SSBP2: variants seen among roughly 807,000 people sequenced by gnomAD.
SSBP2 encodes single-stranded DNA-binding protein 2.
In SSBP2, 17 loss-of-function variants were observed where a neutral mutation model predicts 61.8. The observed-to-expected ratio is 0.28, with a 90% CI of 0.19 to 0.41. The LOEUF is 0.41. SSBP2 is among the 10% of genes least tolerant of loss of function. SSBP2 has a pLI of 1.00. For synonymous variants in SSBP2, 139 were observed against 141.3 expected (o/e 0.98, Z 0.12); for missense variants, 310 against 458.7 (o/e 0.68, Z 2.96).
At chr5:81,729,171 A>T (rs1393710653) in intron 1 of SSBP2, among the ~76,000 whole-genome samples, 1 of 152,202 alleles carries the variant, frequency 6.6e-6, no homozygotes, top group Non-Finnish European at 1.5e-5. Context: ...TTAAAAAATA[A>T]ATATGCTGTC....
At chr5:81,482,370 A>G (rs150889522) in intron 6 of SSBP2, among the ~76,000 whole-genome samples, 3 of 152,186 alleles carry the variant, frequency 2.0e-5, no homozygotes, top group Non-Finnish European at 4.4e-5. Flanking sequence ...GCTCTAAAGG[A>G]AGGCATTGAC....
At chr5:81,656,175 C>T (rs944388792) in intron 1 of SSBP2, among the ~76,000 whole-genome samples, 4 of 152,078 alleles carry the variant, frequency 2.6e-5, no homozygotes, top group Admixed American at 6.6e-5. Flanking sequence ...CCTCAGCCTC[C>T]GGAGTAGCTG....
intron 1 of SSBP2, among the ~76,000 whole-genome samples, chr5:81,716,945 C>T (rs987604218): frequency 2.0e-5 from 3 of 152,184 alleles, no homozygotes; most frequent in Non-Finnish European, 4.4e-5. Flanking sequence ...TAAGGAAATA[C>T]ATGGCCTGAA....
intron 1 of SSBP2, among the ~76,000 whole-genome samples, chr5:81,721,040 A>C (rs753947388): frequency 2.0e-5 from 3 of 152,198 alleles, no homozygotes; most frequent in Non-Finnish European, 4.4e-5. Flanking sequence ...TTTAAAAACA[A>C]AACTAAATGG....
intron 6 of SSBP2, among the ~76,000 whole-genome samples, chr5:81,488,060 A>ATATATATATATAT (rs1561459590): frequency 5.3e-5 from 3 of 56,820 alleles, no homozygotes; most frequent in African/African-American, 1.5e-4. Flanking sequence ...TATATATATA[A>ATATATATATATAT]ATAAAATATC....
At chr5:81,474,454 T>C (rs368315230) in intron 7 of SSBP2, 42 bp downstream of exon 7, 46 of 1,540,488 alleles carry the variant, frequency 3.0e-5, no homozygotes, top group Admixed American at 3.4e-5. Flanking sequence ...ATTTCCTCTA[T>C]GGTTCTGCAC....
At chr5:81,599,442 G>A (rs1744122275) in intron 4 of SSBP2, among the ~76,000 whole-genome samples, 1 of 152,180 alleles carries the variant, frequency 6.6e-6, no homozygotes, top group African/African-American at 2.4e-5. Context: ...TTATTATCTA[G>A]CTTCTGGGAG....
At chr5:81,614,934 A>T (rs1290452447) in intron 4 of SSBP2, 1 of 152,402 alleles carries the variant, frequency 6.6e-6, no homozygotes, top group Non-Finnish European at 1.5e-5. Context: ...TAAAAAAAAA[A>T]TTACATTTTC....
chr5:81,609,544 A>T (rs1015934350), intron 4 of SSBP2, among the ~76,000 whole-genome samples: 2 of 152,216 alleles, frequency 1.3e-5, no homozygotes, highest in Admixed American at 1.3e-4. Context: ...CATAGCTTCA[A>T]TCCAAGTAAT....
intron 3 of SSBP2, among the ~76,000 whole-genome samples, chr5:81,633,232 C>T (rs1297804824): frequency 6.7e-6 from 1 of 149,274 alleles, no homozygotes; most frequent in Non-Finnish European, 1.5e-5. Flanking sequence ...TCATCTGCCT[C>T]AACCTCCTGA....
intron 1 of SSBP2, among the ~76,000 whole-genome samples, chr5:81,700,008 A>C (rs1452188592): frequency 6.6e-6 from 1 of 151,934 alleles, no homozygotes; most frequent in African/African-American, 2.4e-5. Context: ...CACCTAGCTA[A>C]ATTTTTTTAA....
intron 6 of SSBP2, among the ~76,000 whole-genome samples, chr5:81,484,397 G>C (rs1766231132): frequency 6.6e-6 from 1 of 151,846 alleles, no homozygotes; most frequent in Non-Finnish European, 1.5e-5. Flanking sequence ...AAATTTTCTT[G>C]GTTTGAGAAG....
Position 81,650,263 on chromosome 5 carries a change from A to T in SSBP2, c.135+4T>A, listed in dbSNP as rs770083094. The T allele has an allele frequency of 4.5e-5, 70 of 1,563,382 alleles. No homozygotes were observed. The highest frequency in any genetic ancestry group is 1.4e-5 in the African/African-American group (1 of 73,116). ...ATGCAATACAGAAAATATATAAAAC[A>T]TACCTCTGATAAAAATGTTTGAGCT... On this transcript the variant is annotated splice_donor_region_variant and intron_variant, in intron 2 of 16. Coordinates refer to ENST00000320672, the MANE Select transcript of SSBP2 (RefSeq NM_012446.5).
At chr5:81,537,195 A>C (rs1437688730) in intron 4 of SSBP2, among the ~76,000 whole-genome samples, 1 of 152,102 alleles carries the variant, frequency 6.6e-6, no homozygotes, top group African/African-American at 2.4e-5. Context: ...ATAAAATCCA[A>C]ATTTTTGGGG....
At chr5:81,580,082 C>T (rs1356832372) in intron 4 of SSBP2, among the ~76,000 whole-genome samples, 1 of 152,004 alleles carries the variant, frequency 6.6e-6, no homozygotes, top group Non-Finnish European at 1.5e-5. Flanking sequence ...ACAAAAATTA[C>T]CATCTCCTGG....
chr5:81,442,954 G>A, intron 12 of SSBP2: 1 of 310,460 alleles, frequency 3.2e-6, no homozygotes, highest in Non-Finnish European at 5.9e-6. Context: ...TCAGGTAAAA[G>A]GATTATTAGA....
intron 6 of SSBP2, among the ~76,000 whole-genome samples, chr5:81,480,496 G>C (rs1765905497): frequency 6.6e-6 from 1 of 152,086 alleles, no homozygotes; most frequent in Non-Finnish European, 1.5e-5. Context: ...GCTTCAGTTA[G>C]CTGTAATCTT....
chr5:81,745,218 T>G (rs910181518), intron 1 of SSBP2, among the ~76,000 whole-genome samples: 17 of 152,112 alleles, frequency 1.1e-4, no homozygotes, highest in Non-Finnish European at 1.9e-4. Context: ...GCTATTTCTC[T>G]AACTACTGAA....
intron 4 of SSBP2, among the ~76,000 whole-genome samples, chr5:81,546,606 A>G (rs908522116): frequency 1.3e-5 from 2 of 152,140 alleles, no homozygotes; most frequent in Non-Finnish European, 2.9e-5. Flanking sequence ...AATATTTTTC[A>G]TTAGAACTGT....
Sources: gnomAD v4.1 joint callset for allele counts (sites outside exome capture counted in the v4.1 genomes callset) on GRCh38, gnomAD v4.1.1 for gene constraint, MANE v1.5 for transcripts, NCBI Gene and HGNC (gene_info 2026-07-23, HGNC 2026-07-21) for gene names.